The following STRN3 variants were observed in gnomAD, a reference collection of about 807,000 sequenced individuals.
STRN3 encodes striatin-3.
STRN3 carries 29 observed loss-of-function variants against 95.6 expected under a neutral mutation model. That is an observed-to-expected ratio of 0.30 (90% CI 0.23 to 0.41). STRN3 has a LOEUF of 0.41. Among genes scored for constraint, STRN3 ranks in the 10% least tolerant of loss-of-function variants. The pLI is 1.00. For synonymous variants in STRN3, 331 were observed against 357.6 expected (o/e 0.93, Z 0.84); for missense variants, 890 against 972.1 (o/e 0.92, Z 1.12).
Position 30,935,014 on chromosome 14 carries a change from A to T in STRN3, c.988+149T>A, listed in dbSNP as rs1878747816. 3 of 973,090 alleles carry T rather than the reference A, an allele frequency of 3.1e-6. No individual in the cohort carries two copies. The South Asian group carries it at 8.6e-5, about 28-fold the overall frequency. 60.3% of individuals were successfully genotyped at this position (973,090 alleles called of 1,614,324 possible). A position where few individuals can be genotyped will look rare whatever the true frequency, so the allele number is the denominator to read the frequency against. On this transcript the variant is annotated intron_variant, in intron 7 of 17. Transcript: ENST00000357479. ...CCAAATTTAAGTAAATTGGTACAAA[A>T]TACCTTGATATTATTCAAAACCACT...
At chr14:30,913,044 C>G (rs919635753) in intron 10 of STRN3, among the ~76,000 whole-genome samples, 2 of 152,090 alleles carry the variant, frequency 1.3e-5, no homozygotes, top group Admixed American at 6.6e-5. Flanking sequence ...CCCAACCCTT[C>G]CATCCACTCC....
intron 16 of STRN3, among the ~76,000 whole-genome samples, chr14:30,898,620 T>C (rs1387594288): frequency 1.3e-5 from 2 of 152,206 alleles, no homozygotes; most frequent in Non-Finnish European, 2.9e-5. Context: ...GGTGACCACA[T>C]AAATCACAAA....
At chr14:30,972,820 G>A (rs911558148) in intron 1 of STRN3, among the ~76,000 whole-genome samples, 3 of 151,934 alleles carry the variant, frequency 2.0e-5, no homozygotes, top group African/African-American at 7.3e-5. Flanking sequence ...AACTTGTAAT[G>A]GAGTATAACT....
In STRN3 at chr14:30,945,442, T is replaced by A. The variant is rs942505993; in HGVS notation, c.716+1648A>T. Reference sequence around the variant, plus strand: ...AGACCTGGGCAACATAGCAAAATCCTGTCTCTACAAAAATTAGTCAGGCAT... The same window carrying A: ...AGACCTGGGCAACATAGCAAAATCCAGTCTCTACAAAAATTAGTCAGGCAT... On this transcript the variant is annotated intron_variant, in intron 5 of 17. Transcript: ENST00000357479. Among the ~76,000 whole-genome samples, 3 of 152,118 alleles carry A rather than the reference T, an allele frequency of 2.0e-5. No homozygotes were observed. The East Asian group carries it at 5.8e-4, about 29-fold the overall frequency.
chr14:30,958,421 T>C (rs1049078550), intron 1 of STRN3, among the ~76,000 whole-genome samples: 6 of 152,200 alleles, frequency 3.9e-5, no homozygotes, highest in Admixed American at 1.3e-4. Flanking sequence ...CAGAACCTAA[T>C]AGTCTATGAT....
chr14:30,956,102 TC>T, intron 2 of STRN3, 36 bp downstream of exon 2: 4 of 1,552,394 alleles, frequency 2.6e-6, no homozygotes, highest in Non-Finnish European at 3.6e-6. Flanking sequence ...ATACTATTGT[TC>T]TACTTTATTC....
intron 1 of STRN3, among the ~76,000 whole-genome samples, chr14:30,981,777 A>G (rs1881413833): frequency 6.6e-6 from 1 of 152,208 alleles, no homozygotes; most frequent in Non-Finnish European, 1.5e-5. Context: ...TTTCATGAAA[A>G]TAACGTTTTC....
intron 7 of STRN3, among the ~76,000 whole-genome samples, chr14:30,929,959 A>AAAAAAAAAAAAAAAAAAAAAAAC (rs1878415477): frequency 7.9e-6 from 1 of 127,204 alleles, no homozygotes; most frequent in African/African-American, 3.0e-5. Flanking sequence ...ATTAGCAAAA[A>AAAAAAAAAAAAAAAAAAAAAAAC]AAAAAAAAAA....
At chr14:30,949,525 T>C (rs1478574209) in intron 4 of STRN3, among the ~76,000 whole-genome samples, 1 of 151,992 alleles carries the variant, frequency 6.6e-6, no homozygotes, top group African/African-American at 2.4e-5. Context: ...GCAGAAGAAT[T>C]GCTTGAACCC....
At chr14:30,976,916 C>T (rs540026786) in intron 1 of STRN3, among the ~76,000 whole-genome samples, 128 of 152,194 alleles carry the variant, frequency 8.4e-4, no homozygotes, top group Middle Eastern at 3.4e-3. Context: ...ATGGTGAAAC[C>T]CCATCTCTAC....
At chr14:30,960,868 C>CAAAAAAAAA (rs56227331) in intron 1 of STRN3, among the ~76,000 whole-genome samples, 1 of 47,630 alleles carries the variant, frequency 2.1e-5, no homozygotes, top group African/African-American at 8.3e-5. Context: ...GACTCCATCT[C>CAAAAAAAAA]AAAAAAAAAA....
At chr14:31,014,582 C>A in intron 1 of STRN3, 1 of 415,610 alleles carries the variant, frequency 2.4e-6, no homozygotes, top group Non-Finnish European at 4.8e-6. Flanking sequence ...AAAAGTAGTC[C>A]AAAATTTTAC....
intron 7 of STRN3, among the ~76,000 whole-genome samples, chr14:30,933,296 A>AC (rs1878643050): frequency 6.6e-6 from 1 of 150,408 alleles, no homozygotes; most frequent in Non-Finnish European, 1.5e-5. Flanking sequence ...AAAAAAAAAA[A>AC]AAAAAAAAAC....
chr14:30,957,221 G>A (rs1226760056), intron 1 of STRN3, among the ~76,000 whole-genome samples: 9 of 152,094 alleles, frequency 5.9e-5, no homozygotes, highest in African/African-American at 1.7e-4. Flanking sequence ...TTGGGAGGCC[G>A]AGGCGGGTGG....
rs143904869 is a variant in STRN3 at position 30,914,479 on chromosome 14, A to G, written c.1241-822T>C. Among the ~76,000 whole-genome samples, 542 of 152,090 alleles carry G rather than the reference A, an allele frequency of 3.6e-3. 3 individuals carry two copies. Among genetic ancestry groups the G allele is most frequent in the African/African-American group, 0.012 (510 of 41,470 alleles). On this transcript the variant is annotated intron_variant, in intron 9 of 17. Transcript: ENST00000357479. Reference sequence around the variant, plus strand: ...GCAATTCTCCTGTCTCGGTCTCCCAAGTAGCTGGGATTACAGGCGCCCGCC... The same window carrying G: ...GCAATTCTCCTGTCTCGGTCTCCCAGGTAGCTGGGATTACAGGCGCCCGCC...
chr14:30,963,588 T>C (rs1880322332), intron 1 of STRN3, among the ~76,000 whole-genome samples: 1 of 152,152 alleles, frequency 6.6e-6, no homozygotes, highest in African/African-American at 2.4e-5. Flanking sequence ...TTTGTATTTT[T>C]TGGTAGAGAC....
intron 1 of STRN3, chr14:31,018,618 A>G (rs915130258): frequency 6.7e-5 from 34 of 505,170 alleles, no homozygotes; most frequent in Non-Finnish European, 1.2e-4. Flanking sequence ...CAGACCACAG[A>G]GCTCAAAGAA....
At chr14:30,977,880 T>C (rs4354834) in intron 1 of STRN3, among the ~76,000 whole-genome samples, 150,816 of 151,050 alleles carry the variant, frequency 1, 75,296 homozygotes, top group Non-Finnish European at 1. Flanking sequence ...AAATTATAAA[T>C]AGCTTAATGC....
In STRN3 at chr14:30,902,558, G is replaced by T; in HGVS notation, c.2115C>A (p.Ile705=). ...VTITAHEDRH[I]KFFDNKTGKM... ...TACCCGTTTTATTGTCAAAAAATTT[G>T]ATGTGTCTATCTTCATGAGCAGTTA... The change falls in exon 16 of 18, where the codon ATC becomes ATA. Residue 705 remains isoleucine, a synonymous_variant. Coordinates refer to ENST00000357479, the MANE Select transcript of STRN3 (RefSeq NM_001083893.2). 2 of 1,600,492 alleles carry T rather than the reference G, an allele frequency of 1.2e-6. No homozygotes were observed. Among genetic ancestry groups the T allele is most frequent in the Non-Finnish European group, 1.7e-6 (2 of 1,175,104 alleles).
Sources: allele counts gnomAD v4.1 joint callset (sites outside exome capture counted in the v4.1 genomes callset), GRCh38; gene constraint gnomAD v4.1.1; transcripts MANE v1.5; gene names NCBI Gene and HGNC (gene_info 2026-07-23, HGNC 2026-07-21).